Variants in MICU1 observed in about 807,000 individuals in gnomAD.
The protein encoded by MICU1 is calcium uptake protein 1, mitochondrial.
MICU1 carries 45 observed loss-of-function variants against 56.8 expected under a neutral mutation model. The ratio of observed to expected loss-of-function variants is 0.79; its 90% CI spans 0.62 to 1.02. The LOEUF (loss-of-function observed/expected upper bound fraction) is 1.02. Among genes scored for constraint, MICU1 ranks in the 50% least tolerant of loss-of-function variants. The probability of loss-of-function intolerance (pLI) is 0.00; values close to 1 mark genes in which losing one functional copy is unlikely to be tolerated. For missense variants in MICU1, 504 were observed against 587.1 expected (o/e 0.86, Z 1.46); for synonymous variants, 186 against 195.1 (o/e 0.95, Z 0.39).
chr10:72,593,002 T>A (rs1841271962), intron 1 of MICU1, among the ~76,000 whole-genome samples: 1 of 151,628 alleles, frequency 6.6e-6, no homozygotes. Flanking sequence ...GCCAGGCTGG[T>A]CTTGAACTCC....
At chr10:72,452,509 T>A (rs908506698) in intron 8 of MICU1, among the ~76,000 whole-genome samples, 1 of 152,188 alleles carries the variant, frequency 6.6e-6, no homozygotes, top group Non-Finnish European at 1.5e-5. Flanking sequence ...TCAAATACAG[T>A]CATGTGCCAC....
intron 11 of MICU1, among the ~76,000 whole-genome samples, chr10:72,369,100 A>G (rs1291675013): frequency 6.6e-6 from 1 of 152,066 alleles, no homozygotes; most frequent in Non-Finnish European, 1.5e-5. Flanking sequence ...CAATATAGCG[A>G]GACCCTGTCT....
chr10:72,480,049 G>C (rs1866242583), intron 6 of MICU1, among the ~76,000 whole-genome samples: 1 of 152,186 alleles, frequency 6.6e-6, no homozygotes, highest in Admixed American at 6.5e-5. Flanking sequence ...GACTTCTCCA[G>C]CTACTGTGTG....
intron 5 of MICU1, among the ~76,000 whole-genome samples, chr10:72,524,235 G>A (rs902134056): frequency 2.0e-5 from 3 of 151,970 alleles, no homozygotes; most frequent in Admixed American, 6.6e-5. Context: ...ATCTTCCCAC[G>A]TCAGTCTCCT....
chr10:72,491,306 AG>A (rs1169674011), intron 6 of MICU1, among the ~76,000 whole-genome samples: 1 of 152,210 alleles, frequency 6.6e-6, no homozygotes, highest in Non-Finnish European at 1.5e-5. Flanking sequence ...CTTTACACAT[AG>A]CCTAGAGTTG....
intron 8 of MICU1, among the ~76,000 whole-genome samples, chr10:72,437,898 T>C (rs368479385): frequency 2.9e-4 from 44 of 152,186 alleles, no homozygotes; most frequent in African/African-American, 8.4e-4. Context: ...ATTCATAAAG[T>C]AAGTCCTTAG....
chr10:72,610,207 G>C (rs1162660417), intron 1 of MICU1, among the ~76,000 whole-genome samples: 2 of 143,572 alleles, frequency 1.4e-5, no homozygotes, highest in Non-Finnish European at 3.0e-5. Context: ...GCTACAGTGA[G>C]CTATGATCAC....
chr10:72,418,486 A>C (rs1864056775), intron 9 of MICU1, among the ~76,000 whole-genome samples: 1 of 152,210 alleles, frequency 6.6e-6, no homozygotes, highest in Non-Finnish European at 1.5e-5. Context: ...ATTTTAGACC[A>C]GACTCTGAAT....
intron 6 of MICU1, among the ~76,000 whole-genome samples, chr10:72,491,474 C>G (rs1416089308): frequency 2.0e-5 from 3 of 152,152 alleles, no homozygotes; most frequent in Non-Finnish European, 4.4e-5. Flanking sequence ...ATTCACCCAG[C>G]TTAAAAGCAA....
intron 3 of MICU1, among the ~76,000 whole-genome samples, chr10:72,561,895 A>G (rs545441109): frequency 6.6e-6 from 1 of 152,268 alleles, no homozygotes; most frequent in South Asian, 2.1e-4. Context: ...GCAAACACAA[A>G]CCACAAACAC....
intron 5 of MICU1, among the ~76,000 whole-genome samples, chr10:72,532,506 T>C (rs986320865): frequency 6.6e-6 from 1 of 152,036 alleles, no homozygotes; most frequent in African/African-American, 2.4e-5. Context: ...ACAGGTAAGA[T>C]AGGGACCTGA....
rs976878548 is a variant in MICU1, at chr10:72,559,094, A to G, written c.330+3801T>C. On this transcript the variant is annotated intron_variant, in intron 3 of 11. Coordinates refer to ENST00000361114, the MANE Select transcript of MICU1 (RefSeq NM_001195518.2). ...TCCTCTCTATTCCAGAGGCTGAGAC[A>G]GCAGAATTGCTTAAATCTGTGAGTG... is the stretch of plus-strand genomic sequence containing the variant. Among the ~76,000 whole-genome samples, 10 of 152,288 alleles carry G rather than the reference A, an allele frequency of 6.6e-5. No homozygotes were observed. In the South Asian group the frequency reaches 1.9e-3, roughly 28 times the overall value.
At chr10:72,512,107 G>GTTTTTTTTTTTTTTTTTTTTTTTTT (rs869183579) in intron 5 of MICU1, among the ~76,000 whole-genome samples, 1 of 29,524 alleles carries the variant, frequency 3.4e-5, no homozygotes, top group African/African-American at 9.3e-5. Context: ...GTTGTTTTTT[G>GTTTTTTTTTTTTTTTTTTTTTTTTT]TTTTTTTTTT....
chr10:72,572,657 G>C (rs1035247378), intron 1 of MICU1, among the ~76,000 whole-genome samples: 7 of 151,702 alleles, frequency 4.6e-5, no homozygotes, highest in Non-Finnish European at 8.8e-5. Context: ...CAGAAAGTTG[G>C]GTAAAGATAT....
At chr10:72,492,488 C>T (rs761495861) in intron 6 of MICU1, among the ~76,000 whole-genome samples, 1 of 152,082 alleles carries the variant, frequency 6.6e-6, no homozygotes, top group East Asian at 1.9e-4. Flanking sequence ...ATGGGCTGGG[C>T]GTGGTGGCTC....
At chr10:72,574,503 G>C (rs1840693230) in intron 1 of MICU1, among the ~76,000 whole-genome samples, 1 of 152,056 alleles carries the variant, frequency 6.6e-6, no homozygotes, top group South Asian at 2.1e-4. Flanking sequence ...TGGGCAGCAA[G>C]AGTGAAACTC....
At chr10:72,567,295 G>C (rs1016622962) in intron 1 of MICU1, among the ~76,000 whole-genome samples, 1 of 152,032 alleles carries the variant, frequency 6.6e-6, no homozygotes, top group Non-Finnish European at 1.5e-5. Flanking sequence ...AGTGAGCTAT[G>C]ATCAACAGAG....
At chr10:72,521,978 T>C (rs1867837082) in intron 5 of MICU1, among the ~76,000 whole-genome samples, 1 of 152,108 alleles carries the variant, frequency 6.6e-6, no homozygotes, top group African/African-American at 2.4e-5. Flanking sequence ...TAATAAATGT[T>C]AGATTAATCT....
intron 9 of MICU1, among the ~76,000 whole-genome samples, chr10:72,409,061 T>G (rs979089063): frequency 6.7e-6 from 1 of 149,824 alleles, no homozygotes; most frequent in Non-Finnish European, 1.5e-5. Flanking sequence ...GGAGGAAGAT[T>G]TGTCCTATTT....
Sources: allele counts gnomAD v4.1 joint callset (sites outside exome capture counted in the v4.1 genomes callset), GRCh38; gene constraint gnomAD v4.1.1; transcripts MANE v1.5; gene names NCBI Gene and HGNC (gene_info 2026-07-23, HGNC 2026-07-21).